Variants in ZC3H7A observed in about 807,000 individuals in gnomAD.
The protein encoded by ZC3H7A is zinc finger CCCH-type containing 7A, also known as zinc finger CCCH domain-containing protein 7A.
A neutral mutation model predicts 125.5 loss-of-function variants in ZC3H7A; 44 were observed. The observed-to-expected ratio is 0.35, with a 90% confidence interval of 0.28 to 0.45. ZC3H7A has a LOEUF of 0.45. ZC3H7A is among the 20% of genes least tolerant of loss of function. ZC3H7A has a pLI of 1.00. For missense variants in ZC3H7A, 977 were observed against 1,170.7 expected (o/e 0.83, Z 2.41); for synonymous variants, 399 against 391.2 (o/e 1.02, Z -0.23).
chr16:11,795,342 C>G (rs2053419469), intron 1 of ZC3H7A, among the ~76,000 whole-genome samples: 1 of 152,236 alleles, frequency 6.6e-6, no homozygotes, highest in South Asian at 2.1e-4. Context: ...GGGCCACCAC[C>G]CATTCAGATG....
At chr16:11,790,432 A>G (rs1452766571) in intron 1 of ZC3H7A, among the ~76,000 whole-genome samples, 1 of 152,102 alleles carries the variant, frequency 6.6e-6, no homozygotes, top group Non-Finnish European at 1.5e-5. Flanking sequence ...GAAGCTCTTT[A>G]TATGTTGAGG....
At position 11,791,749 on chromosome 16, in the gene ZC3H7A, G is replaced by A. The variant is rs146169184; in HGVS notation, c.-35+5375C>T. The stretch of plus-strand genomic sequence containing the variant: ...GTGGGGCTTGGCCCCCAACCCTTTG[G>A]GGAAACAAGGTGGGAAGTGAATCAA... On this transcript the variant is annotated intron_variant, in intron 1 of 22. Transcript: ENST00000355758. Among the ~76,000 whole-genome samples, 17 of 152,292 alleles carry A rather than the reference G, an allele frequency of 1.1e-4. No homozygotes were observed. In the East Asian group the frequency reaches 3.1e-3, roughly 28 times the overall value.
Position 11,751,088 on chromosome 16 carries a change from T to C in ZC3H7A, c.*229A>G. 2.3e-6 allele frequency: 1 copy of C among 435,506 alleles called. No homozygotes were observed. The highest frequency in any genetic ancestry group is 4.1e-6 in the Non-Finnish European group (1 of 244,234). 27.0% of individuals were successfully genotyped at this position (435,506 alleles called of 1,614,324 possible). A position where few individuals can be genotyped will look rare whatever the true frequency, so the allele number is the denominator to read the frequency against. On this transcript the variant is annotated 3_prime_UTR_variant, in exon 23 of 23. Coordinates refer to ENST00000355758, the MANE Select transcript of ZC3H7A (RefSeq NM_014153.4). ...TTCATCCAAAAGTCTGTTCAACAGA[T>C]GGCAACCGGGTAGCAGTCACTTCAC...
At chr16:11,770,514 A>G (rs1356735254) in intron 10 of ZC3H7A, among the ~76,000 whole-genome samples, 2 of 152,174 alleles carry the variant, frequency 1.3e-5, no homozygotes, top group Admixed American at 1.3e-4. Context: ...TTCACCCCCA[A>G]AACAATAAAC....
intron 1 of ZC3H7A, among the ~76,000 whole-genome samples, chr16:11,784,822 C>G (rs1327953083): frequency 2.0e-5 from 3 of 147,356 alleles, no homozygotes; most frequent in Admixed American, 6.7e-5. Context: ...TCATTGCACT[C>G]CAGCCTGGGC....
chr16:11,759,949 C>G (rs1467219576), intron 19 of ZC3H7A: 1 of 151,454 alleles, frequency 6.6e-6, no homozygotes, highest in East Asian at 1.9e-4. Flanking sequence ...TTCGTCTCTA[C>G]TAAAAAAAAA....
intron 1 of ZC3H7A, chr16:11,782,598 ATTCT>A (rs2053190225): frequency 1.3e-5 from 3 of 229,580 alleles, no homozygotes; most frequent in African/African-American, 2.6e-5. Context: ...CCGTTTTCAT[ATTCT>A]TTTTTTTTTT....
intron 20 of ZC3H7A, among the ~76,000 whole-genome samples, chr16:11,757,198 T>C (rs1405364717): frequency 6.6e-6 from 1 of 151,970 alleles, no homozygotes; most frequent in African/African-American, 2.4e-5. Flanking sequence ...GCAAAATTTG[T>C]TCCCAGCCGG....
chr16:11,781,966 C>T (rs919896510), intron 2 of ZC3H7A, among the ~76,000 whole-genome samples: 2 of 152,076 alleles, frequency 1.3e-5, no homozygotes, highest in East Asian at 1.9e-4. Flanking sequence ...ATCACAGAAG[C>T]CCTCTGTGCC....
At chr16:11,780,004 G>C (rs1299873552) in intron 3 of ZC3H7A, among the ~76,000 whole-genome samples, 3 of 151,962 alleles carry the variant, frequency 2.0e-5, no homozygotes, top group Non-Finnish European at 4.4e-5. Context: ...TGATTTGGGG[G>C]GAGGGGGATG....
At position 11,770,862 on chromosome 16, in the gene ZC3H7A, T is replaced by C. The variant is rs778807452; in HGVS notation, c.1029A>G (p.Glu343=). ...AGGATGAAGTCAAAGGTGGATAAAATTCTGAGAAGGAGGGTGGAGGAGCAT... is the reference window on the plus strand; with the variant it reads ...AGGATGAAGTCAAAGGTGGATAAAACTCTGAGAAGGAGGGTGGAGGAGCAT... ...ARYAPPPSFS[E]FYPPLTSSLE... The change falls in exon 10 of 23, where the codon GAA becomes GAG. Residue 343 remains glutamate (E), a synonymous_variant. Coordinates refer to ENST00000355758, the MANE Select transcript of ZC3H7A (RefSeq NM_014153.4). The C allele has an allele frequency of 6.2e-7, 1 of 1,614,124 alleles. No individual in the cohort carries two copies. Among genetic ancestry groups the C allele is most frequent in the Admixed American group, 1.7e-5 (1 of 60,016 alleles).
intron 1 of ZC3H7A, among the ~76,000 whole-genome samples, chr16:11,791,803 C>T (rs937571566): frequency 3.9e-5 from 6 of 152,162 alleles, no homozygotes; most frequent in Admixed American, 2.6e-4. Context: ...GAGACAGCGA[C>T]GGAAAAAAAC....
At chr16:11,763,127 T>G (rs77236192) in intron 16 of ZC3H7A, 3 of 248,574 alleles carry the variant, frequency 1.2e-5, no homozygotes, top group Non-Finnish European at 2.3e-5. Context: ...TTTTTTTTTT[T>G]GAGACAGTCT....
chr16:11,777,564 A>G (rs11648251), intron 4 of ZC3H7A, among the ~76,000 whole-genome samples: 1 of 151,572 alleles, frequency 6.6e-6, no homozygotes, highest in African/African-American at 2.4e-5. Context: ...TCTACTAAAA[A>G]TACAAAAATT....
At position 11,769,388 on chromosome 16, in the gene ZC3H7A, A is replaced by C. The variant is rs117320717; in HGVS notation, c.1109-293T>G. On this transcript the variant is annotated intron_variant, in intron 10 of 22. Coordinates refer to ENST00000355758, the MANE Select transcript of ZC3H7A (RefSeq NM_014153.4). The stretch of plus-strand genomic sequence containing the variant: ...AACACCAAGAAAATTCTTTATATTC[A>C]AAAATGGGAAAAGAGCCTTTCCTTT... 1.4e-3 allele frequency among the ~76,000 whole-genome samples: 214 copies of C among 152,246 alleles called. No homozygotes were observed. In the Middle Eastern group the frequency reaches 0.024, roughly 17 times the overall value.
chr16:11,769,784 C>CTTTCTTTTTTTTT (rs1485329734), intron 10 of ZC3H7A, among the ~76,000 whole-genome samples: 2 of 61,608 alleles, frequency 3.2e-5, no homozygotes, highest in African/African-American at 1.9e-4. Context: ...CAATTGCTTT[C>CTTTCTTTTTTTTT]TTTTTTTTTT....
At chr16:11,760,031 A>C (rs1204190462) in intron 19 of ZC3H7A, among the ~76,000 whole-genome samples, 1 of 148,574 alleles carries the variant, frequency 6.7e-6, no homozygotes, top group African/African-American at 2.5e-5. Context: ...AGGCAGAAGA[A>C]TTGCTTGAAC....
intron 1 of ZC3H7A, among the ~76,000 whole-genome samples, chr16:11,788,620 T>C (rs899549360): frequency 1.2e-4 from 18 of 151,092 alleles, no homozygotes; most frequent in Middle Eastern, 3.4e-3. Flanking sequence ...TTCTTTCTTT[T>C]TTTTTTTTTT....
chr16:11,788,562 T>C (rs1444554298), intron 1 of ZC3H7A, among the ~76,000 whole-genome samples: 1 of 145,914 alleles, frequency 6.9e-6, no homozygotes, highest in Non-Finnish European at 1.5e-5. Context: ...CACCAACCAC[T>C]GTTACCAGTC....
Sources: gnomAD v4.1 joint callset for allele counts (sites outside exome capture counted in the v4.1 genomes callset) on GRCh38, gnomAD v4.1.1 for gene constraint, MANE v1.5 for transcripts, NCBI Gene and HGNC (gene_info 2026-07-23, HGNC 2026-07-21) for gene names.